Variants in DIAPH2 observed in about 807,000 individuals in gnomAD.
The protein encoded by DIAPH2 is protein diaphanous homolog 2.
DIAPH2 carries 35 observed loss-of-function variants against 92.7 expected under a neutral mutation model. The ratio of observed to expected loss-of-function variants is 0.38; its 90% CI spans 0.29 to 0.50. DIAPH2 has a LOEUF of 0.50. DIAPH2 is among the 20% of genes least tolerant of loss of function. The pLI is 0.94. For missense variants in DIAPH2, 701 were observed against 819.5 expected, an observed-to-expected ratio of 0.86 and a Z score of 1.77; for synonymous variants, 301 against 280.4, an observed-to-expected ratio of 1.07 and a Z score of -0.73.
At chrX:96,924,292 T>C (rs1049151774) in intron 9 of DIAPH2, among the ~76,000 whole-genome samples, 2 of 112,077 alleles carry the variant, frequency 1.8e-5, no homozygotes, top group African/African-American at 6.5e-5. Flanking sequence ...ATTTAGAAAA[T>C]AGATTACTAT....
chrX:97,493,903 G>T (rs996587616), intron 26 of DIAPH2, among the ~76,000 whole-genome samples: 2 of 104,539 alleles, frequency 1.9e-5, no homozygotes, highest in Non-Finnish European at 2.0e-5. Flanking sequence ...AAAGAAAAAG[G>T]CAACTCAAAC....
chrX:96,840,632 G>A (rs1473546304), intron 4 of DIAPH2, among the ~76,000 whole-genome samples: 2 of 110,171 alleles, frequency 1.8e-5, no homozygotes, highest in Non-Finnish European at 3.8e-5. Context: ...TTTTTGAGAC[G>A]GAGTCTGGCT....
At chrX:97,048,146 TTAC>T (rs747428016) in intron 17 of DIAPH2, among the ~76,000 whole-genome samples, 1 of 110,469 alleles carries the variant, frequency 9.1e-6, no homozygotes, top group South Asian at 4.0e-4. Flanking sequence ...TATATATCCT[TTAC>T]CCTACTCAAC....
intron 24 of DIAPH2, among the ~76,000 whole-genome samples, chrX:97,366,479 G>T (rs1461572604): frequency 8.9e-6 from 1 of 111,972 alleles, no homozygotes; most frequent in Non-Finnish European, 1.9e-5. Context: ...GGCACAGGAA[G>T]TACCTCATGT....
At chrX:97,004,961 T>C (rs2066169944) in intron 17 of DIAPH2, among the ~76,000 whole-genome samples, 1 of 112,011 alleles carries the variant, frequency 8.9e-6, no homozygotes, top group Non-Finnish European at 1.9e-5. Context: ...GCTCTTATTG[T>C]GTTGAAGTAT....
At chrX:97,484,062 A>C (rs2070670627) in intron 26 of DIAPH2, among the ~76,000 whole-genome samples, 1 of 111,458 alleles carries the variant, frequency 9.0e-6, no homozygotes, top group Non-Finnish European at 1.9e-5. Flanking sequence ...GTTGTACCCC[A>C]TAAATATATA....
intron 25 of DIAPH2, among the ~76,000 whole-genome samples, chrX:97,392,585 T>A (rs548079798): frequency 9.0e-6 from 1 of 111,585 alleles, no homozygotes; most frequent in African/African-American, 3.3e-5. Flanking sequence ...TGGGTAACAT[T>A]TGGCTGAGCA....
chrX:97,497,659 A>AG (rs2070768649), intron 26 of DIAPH2, among the ~76,000 whole-genome samples: 1 of 110,450 alleles, frequency 9.1e-6, no homozygotes, highest in African/African-American at 3.3e-5. Context: ...TACAAAAATT[A>AG]GCGAGGTATA....
chrX:97,346,695 A>G (rs2069159823), intron 23 of DIAPH2, among the ~76,000 whole-genome samples: 1 of 111,378 alleles, frequency 9.0e-6, no homozygotes, highest in African/African-American at 3.3e-5. Context: ...AATCAGGCAA[A>G]GGGGGTATGA....
At chrX:97,288,053 T>G (rs1449275799) in intron 23 of DIAPH2, among the ~76,000 whole-genome samples, 1 of 110,811 alleles carries the variant, frequency 9.0e-6, no homozygotes, top group African/African-American at 3.3e-5. Context: ...ATTTTCTGTT[T>G]GACTGAAAGA....
In DIAPH2 at chrX:97,292,251, C is replaced by G. The variant is rs751958437; in HGVS notation, c.2844+44412C>G. ...GTCTTGCCATGTTGCCCAGGCTGGT[C>G]TAGAACTCCTGGGCTCAAGCAGTCC... is the stretch of plus-strand genomic sequence containing the variant. On this transcript the variant is annotated intron_variant, in intron 23 of 26. Coordinates refer to ENST00000324765, the MANE Select transcript of DIAPH2 (RefSeq NM_006729.5). 3.6e-5 allele frequency among the ~76,000 whole-genome samples: 4 copies of G among 110,269 alleles called. No individual in the cohort carries two copies. The East Asian group carries it at 1.1e-3, about 32-fold the overall frequency.
intron 25 of DIAPH2, among the ~76,000 whole-genome samples, chrX:97,391,000 A>G (rs1372781283): frequency 1.8e-5 from 2 of 111,915 alleles, no homozygotes; most frequent in South Asian, 3.7e-4. Flanking sequence ...CTCATGGCCC[A>G]TGTGTTACAA....
At chrX:96,903,460 A>T (rs190778404) in intron 5 of DIAPH2, among the ~76,000 whole-genome samples, 49 of 111,872 alleles carry the variant, frequency 4.4e-4, no homozygotes, top group African/African-American at 1.5e-3. Context: ...AAAATAAACC[A>T]ATACATTTTT....
intron 19 of DIAPH2, among the ~76,000 whole-genome samples, chrX:97,097,086 C>T (rs1405437378): frequency 9.0e-6 from 1 of 111,259 alleles, no homozygotes; most frequent in South Asian, 3.8e-4. Context: ...ACCATTACAT[C>T]TCTCTCTCCT....
intron 17 of DIAPH2, among the ~76,000 whole-genome samples, chrX:96,997,220 C>T (rs1039145453): frequency 8.9e-6 from 1 of 112,036 alleles, no homozygotes; most frequent in African/African-American, 3.2e-5. Context: ...AGATCACATT[C>T]CTCTGTGTAT....
At chrX:97,193,171 C>A (rs2067670808) in intron 22 of DIAPH2, among the ~76,000 whole-genome samples, 1 of 108,417 alleles carries the variant, frequency 9.2e-6, no homozygotes, top group South Asian at 4.1e-4. Context: ...CGCCACCATG[C>A]CTGGCTAATT....
chrX:96,881,540 G>T (rs1306466109), intron 4 of DIAPH2, 39 bp from the exon 5 acceptor site: 4 of 1,143,914 alleles, frequency 3.5e-6, no homozygotes, highest in East Asian at 6.2e-5. Context: ...AATTTTTTTT[G>T]AAACATTGTC....
At chrX:97,363,237 G>A (rs1164226489) in intron 24 of DIAPH2, among the ~76,000 whole-genome samples, 1 of 112,297 alleles carries the variant, frequency 8.9e-6, no homozygotes, top group African/African-American at 3.2e-5. Context: ...GGAAACACCT[G>A]AGAAGAAATC....
intron 4 of DIAPH2, among the ~76,000 whole-genome samples, chrX:96,842,418 C>T (rs897939072): frequency 4.5e-5 from 5 of 111,522 alleles, no homozygotes; most frequent in Non-Finnish European, 9.4e-5. Context: ...AGGTATGTTT[C>T]CTTTATATTT....
Sources: allele counts gnomAD v4.1 joint callset (sites outside exome capture counted in the v4.1 genomes callset), GRCh38; gene constraint gnomAD v4.1.1; transcripts MANE v1.5; gene names NCBI Gene and HGNC (gene_info 2026-07-23, HGNC 2026-07-21).